SUSD4: variants seen among roughly 807,000 people sequenced by gnomAD.
SUSD4 encodes sushi domain-containing protein 4.
A neutral mutation model predicts 50.5 loss-of-function variants in SUSD4; 41 were observed. The observed-to-expected ratio is 0.81, with a 90% CI of 0.63 to 1.05. The LOEUF (loss-of-function observed/expected upper bound fraction) is 1.05, where lower values mean the gene tolerates loss of function less well. SUSD4 is among the 50% of genes least tolerant of loss of function. The pLI, the probability that SUSD4 is intolerant of heterozygous loss-of-function variation, is 0.00. For missense variants in SUSD4, 580 were observed against 634.7 expected (o/e 0.91, Z 0.93); for synonymous variants, 257 against 257.3 (o/e 1.00, Z 0.01).
intron 2 of SUSD4, among the ~76,000 whole-genome samples, chr1:223,339,437 A>T (rs184264672): frequency 2.1e-4 from 32 of 152,268 alleles, no homozygotes; most frequent in African/African-American, 7.7e-4. Flanking sequence ...ATTTGCCTGC[A>T]GAGAATGAGC....
At chr1:223,298,517 G>A (rs1193870799) in intron 2 of SUSD4, among the ~76,000 whole-genome samples, 1 of 152,162 alleles carries the variant, frequency 6.6e-6, no homozygotes, top group Non-Finnish European at 1.5e-5. Context: ...GGATTTGACT[G>A]AGACATCTAA....
intron 2 of SUSD4, among the ~76,000 whole-genome samples, chr1:223,330,657 G>C (rs540584657): frequency 6.6e-6 from 1 of 152,116 alleles, no homozygotes; most frequent in Non-Finnish European, 1.5e-5. Context: ...GCATGTCTCC[G>C]GCCTCATGCA....
chr1:223,353,882 C>T (rs949586550), intron 2 of SUSD4, among the ~76,000 whole-genome samples: 1 of 151,990 alleles, frequency 6.6e-6, no homozygotes, highest in Non-Finnish European at 1.5e-5. Flanking sequence ...CTCTACTCCT[C>T]CTCTTAGCTT....
At chr1:223,271,334 T>A (rs539169442) in intron 3 of SUSD4, among the ~76,000 whole-genome samples, 1 of 152,176 alleles carries the variant, frequency 6.6e-6, no homozygotes, top group Non-Finnish European at 1.5e-5. Context: ...CAGCATAGTG[T>A]TGTGTAATGT....
At chr1:223,324,650 A>G (rs910844774) in intron 2 of SUSD4, among the ~76,000 whole-genome samples, 4 of 150,764 alleles carry the variant, frequency 2.7e-5, no homozygotes, top group African/African-American at 9.8e-5. Context: ...ATCTATTTCC[A>G]TGTGACCCTT....
At chr1:223,363,563 T>A in intron 1 of SUSD4, 103 bp from the exon 2 acceptor site, 7 of 1,295,776 alleles carry the variant, frequency 5.4e-6, no homozygotes, top group Non-Finnish European at 7.1e-6. Context: ...CTTCCCAGGC[T>A]CCATCCTGGT....
intron 2 of SUSD4, among the ~76,000 whole-genome samples, chr1:223,307,152 C>T (rs568393370): frequency 1.3e-5 from 2 of 152,322 alleles, no homozygotes; most frequent in South Asian, 4.1e-4. Context: ...TGAGCCACCA[C>T]ATCCAGCCAG....
At chr1:223,362,251 AT>A (rs564643121) in intron 2 of SUSD4, among the ~76,000 whole-genome samples, 4,144 of 151,960 alleles carry the variant, frequency 0.027, 75 homozygotes, top group Non-Finnish European at 0.04. Flanking sequence ...TTTTTCACTC[AT>A]TTTTTTTCCA....
chr1:223,266,798 G>A (rs1662521777), intron 4 of SUSD4, among the ~76,000 whole-genome samples: 1 of 152,202 alleles, frequency 6.6e-6, no homozygotes, highest in South Asian at 2.1e-4. Flanking sequence ...TTCCCCCTGG[G>A]GGCTCAGAGG....
At chr1:223,320,329 A>T (rs1296037246) in intron 2 of SUSD4, among the ~76,000 whole-genome samples, 2 of 152,176 alleles carry the variant, frequency 1.3e-5, no homozygotes, top group African/African-American at 4.8e-5. Context: ...AGGGGAGGGA[A>T]GGTGGGTATG....
chr1:223,281,935 T>TA (rs1263279831), intron 3 of SUSD4, among the ~76,000 whole-genome samples: 11 of 152,272 alleles, frequency 7.2e-5, no homozygotes, highest in African/African-American at 2.2e-4. Flanking sequence ...TGGTTCAACA[T>TA]ACGCAAATCA....
At chr1:223,289,312 C>T in intron 3 of SUSD4, 1 of 985,282 alleles carries the variant, frequency 1.0e-6, no homozygotes, top group Non-Finnish European at 1.2e-6. Flanking sequence ...AGGTTGGAGA[C>T]TTTGGGGGCC....
intron 5 of SUSD4, among the ~76,000 whole-genome samples, chr1:223,243,489 A>G (rs189050080): frequency 1.1e-3 from 172 of 152,280 alleles, no homozygotes; most frequent in African/African-American, 4.1e-3. Flanking sequence ...CTTTTGGTGA[A>G]TGCTGTTCAC....
intron 3 of SUSD4, among the ~76,000 whole-genome samples, chr1:223,269,576 C>T (rs546648660): frequency 6.6e-6 from 1 of 152,292 alleles, no homozygotes; most frequent in East Asian, 1.9e-4. Flanking sequence ...GCACATTGAT[C>T]GCAATGTGTC....
At chr1:223,236,850 A>G (rs747110602) in intron 5 of SUSD4, among the ~76,000 whole-genome samples, 5 of 152,074 alleles carry the variant, frequency 3.3e-5, no homozygotes, top group Non-Finnish European at 7.4e-5. Context: ...TTGCTTCCCC[A>G]TATAAACTTT....
chr1:223,313,132 T>C (rs1215483699), intron 2 of SUSD4, among the ~76,000 whole-genome samples: 1 of 152,182 alleles, frequency 6.6e-6, no homozygotes, highest in African/African-American at 2.4e-5. Context: ...AGATAGTTTA[T>C]GCTAAAGAGG....
At chr1:223,339,983 A>T (rs538745640) in intron 2 of SUSD4, among the ~76,000 whole-genome samples, 1 of 152,280 alleles carries the variant, frequency 6.6e-6, no homozygotes, top group African/African-American at 2.4e-5. Context: ...CACGACACTC[A>T]ACTCCTTATC....
chr1:223,235,018 C>T (rs1660121825), intron 5 of SUSD4: 2 of 1,611,186 alleles, frequency 1.2e-6, no homozygotes, highest in South Asian at 1.1e-5. Context: ...AGGACTTTAA[C>T]ACAGGGCAAA....
intron 2 of SUSD4, among the ~76,000 whole-genome samples, chr1:223,349,104 G>A (rs543248262): frequency 2.6e-5 from 4 of 152,148 alleles, no homozygotes; most frequent in Admixed American, 1.3e-4. Context: ...CATAACATGG[G>A]CCTGTTAGAA....
Sources: allele counts gnomAD v4.1 joint callset (sites outside exome capture counted in the v4.1 genomes callset), GRCh38; gene constraint gnomAD v4.1.1; transcripts MANE v1.5; gene names NCBI Gene and HGNC (gene_info 2026-07-23, HGNC 2026-07-21).